SDK1: variants seen among roughly 807,000 people sequenced by gnomAD.
The protein encoded by SDK1 is sidekick cell adhesion molecule 1.
A neutral mutation model predicts 245.5 loss-of-function variants in SDK1; 157 were observed. The observed-to-expected ratio is 0.64, with a 90% CI of 0.56 to 0.73. The LOEUF is 0.73. SDK1 is among the 30% of genes least tolerant of loss of function. SDK1 has a pLI of 0.00. For synonymous variants in SDK1, 1,647 were observed against 1,278.5 expected, an observed-to-expected ratio of 1.29 and a Z score of -6.15; for missense variants, 3,583 against 3,002.3, an observed-to-expected ratio of 1.19 and a Z score of -4.52.
At chr7:4,232,411 C>CT (rs71032930) in intron 40 of SDK1, among the ~76,000 whole-genome samples, 7,508 of 98,720 alleles carry the variant, frequency 0.076, 378 homozygotes, top group East Asian at 0.18. Flanking sequence ...TCTTTTCTTT[C>CT]TTTTTTTTTT....
intron 1 of SDK1, among the ~76,000 whole-genome samples, chr7:3,316,698 A>G (rs1262211807): frequency 6.6e-6 from 1 of 152,076 alleles, no homozygotes; most frequent in Non-Finnish European, 1.5e-5. Context: ...CTGCCATGTC[A>G]TCTCTTGGCC....
rs200788342 is a variant in SDK1 at position 3,813,355 on chromosome 7, G to T, written c.714-8095G>T. On this transcript the variant is annotated intron_variant, in intron 4 of 44. Coordinates refer to ENST00000404826, the MANE Select transcript of SDK1 (RefSeq NM_152744.4). Reference sequence around the variant, plus strand: ...CATTTCCCACCTATGAGTGAGAATAGGCGGTGTTTGGTTTTTTGTTCTTGC... The same window carrying T: ...CATTTCCCACCTATGAGTGAGAATATGCGGTGTTTGGTTTTTTGTTCTTGC... Among the ~76,000 whole-genome samples, 2,658 of 145,972 alleles carry T rather than the reference G, an allele frequency of 0.018. 156 individuals are homozygous for T. The East Asian group carries it at 0.21, about 12-fold the overall frequency.
rs375733486 is a variant in SDK1, at chr7:3,602,213, A to C, written c.299-16867A>C. On this transcript the variant is annotated intron_variant, in intron 1 of 44. Coordinates refer to ENST00000404826, the MANE Select transcript of SDK1 (RefSeq NM_152744.4). ...TACCCAGTAATGGGATGGCTGGGTC[A>C]AATGGTATTTCTAGTTCTAGATCCC... Among the ~76,000 whole-genome samples, 39 of 151,884 alleles carry C rather than the reference A, an allele frequency of 2.6e-4. 1 individual carries two copies. In the East Asian group the frequency reaches 4.7e-3, roughly 18 times the overall value.
intron 42 of SDK1, among the ~76,000 whole-genome samples, chr7:4,238,751 T>C (rs1056608192): frequency 1.3e-4 from 20 of 151,830 alleles, no homozygotes; most frequent in African/African-American, 4.8e-4. Flanking sequence ...TTTCTCCATG[T>C]TGGTCAGGCT....
chr7:3,730,534 C>T lies in SDK1; in HGVS notation c.713+88429C>T, dbSNP rs986824499. The stretch of plus-strand genomic sequence containing the variant: ...ACTCTAGGAAGGGAGAGAGCAAGTA[C>T]GGGTGCCAGCGGGAAGAGCCCAGCA... On this transcript the variant is annotated intron_variant, in intron 4 of 44. Coordinates refer to ENST00000404826, the MANE Select transcript of SDK1 (RefSeq NM_152744.4). Among the ~76,000 whole-genome samples, 11 of 152,142 alleles carry T rather than the reference C, an allele frequency of 7.2e-5. 1 individual carries two copies. Among genetic ancestry groups the T allele is most frequent in the Admixed American group, 4.6e-4 (7 of 15,280 alleles).
chr7:3,703,402 C>G (rs1343316774), intron 4 of SDK1, among the ~76,000 whole-genome samples: 1 of 152,162 alleles, frequency 6.6e-6, no homozygotes, highest in African/African-American at 2.4e-5. Flanking sequence ...ATGTAACATT[C>G]TCAAAATGAG....
intron 1 of SDK1, among the ~76,000 whole-genome samples, chr7:3,495,992 C>T (rs537019660): frequency 4.6e-5 from 7 of 152,086 alleles, no homozygotes; most frequent in African/African-American, 7.2e-5. Flanking sequence ...CTCAGTGGCC[C>T]GTCACTATAA....
At chr7:3,508,694 C>T (rs903047568) in intron 1 of SDK1, among the ~76,000 whole-genome samples, 1 of 152,164 alleles carries the variant, frequency 6.6e-6, no homozygotes, top group Admixed American at 6.5e-5. Context: ...CCTGATTCTT[C>T]AAAGTGTTCT....
chr7:4,078,930 G>A (rs1173002620), intron 21 of SDK1, among the ~76,000 whole-genome samples: 1 of 152,208 alleles, frequency 6.6e-6, no homozygotes, highest in Non-Finnish European at 1.5e-5. Context: ...AGAAGCCTAA[G>A]GCTCAAGACC....
intron 5 of SDK1, among the ~76,000 whole-genome samples, chr7:3,908,109 C>T (rs1414289774): frequency 6.6e-6 from 1 of 152,116 alleles, no homozygotes; most frequent in African/African-American, 2.4e-5. Flanking sequence ...CCGTAATGTG[C>T]TGGCTTCTGT....
In SDK1 at chr7:3,975,368, A is replaced by G. The variant is rs559980533; in HGVS notation, c.1994+823A>G. Among the ~76,000 whole-genome samples the G allele has an allele frequency of 4.3e-4, 65 of 152,336 alleles. 3 individuals are homozygous for G. The South Asian group carries it at 6.6e-3, about 16-fold the overall frequency. The stretch of plus-strand genomic sequence containing the variant: ...ACACCCAGCGCATCCGTCCCTGGTC[A>G]TCGTTTGACATGCTGGGCCTTTCGA... On this transcript the variant is annotated intron_variant, in intron 13 of 44. Coordinates refer to ENST00000404826, the MANE Select transcript of SDK1 (RefSeq NM_152744.4).
At chr7:3,651,668 G>C (rs964103281) in intron 4 of SDK1, among the ~76,000 whole-genome samples, 14 of 152,178 alleles carry the variant, frequency 9.2e-5, no homozygotes, top group African/African-American at 3.4e-4. Flanking sequence ...TCACAGTCCA[G>C]AAGCAGAATG....
At chr7:3,401,077 G>C (rs1485373478) in intron 1 of SDK1, among the ~76,000 whole-genome samples, 1 of 152,162 alleles carries the variant, frequency 6.6e-6, no homozygotes, top group Non-Finnish European at 1.5e-5. Context: ...ATAGCCCTCA[G>C]CTCCGTAATG....
chr7:4,075,779 C>G lies in SDK1; in HGVS notation c.3011-1219C>G, dbSNP rs531854084. Among the ~76,000 whole-genome samples, 3 of 152,002 alleles carry G rather than the reference C, an allele frequency of 2.0e-5. No homozygotes were observed. In the East Asian group the frequency reaches 5.8e-4, roughly 29 times the overall value. The stretch of plus-strand genomic sequence containing the variant: ...GAGTGATTCTCGTGCCTCAGCCTTC[C>G]GAGTAGCTAGGATTACAGGCGCCCA... On this transcript the variant is annotated intron_variant, in intron 20 of 44. Coordinates refer to ENST00000404826, the MANE Select transcript of SDK1 (RefSeq NM_152744.4).
intron 1 of SDK1, among the ~76,000 whole-genome samples, chr7:3,394,126 G>A (rs1781831674): frequency 6.6e-6 from 1 of 151,662 alleles, no homozygotes. Context: ...AGAACTCTCT[G>A]GATTACCAGA....
chr7:3,591,482 G>A (rs1583203575), intron 1 of SDK1, among the ~76,000 whole-genome samples: 1 of 152,234 alleles, frequency 6.6e-6, no homozygotes, highest in Non-Finnish European at 1.5e-5. Context: ...CTTTGGCCAC[G>A]TTGTGAAAGT....
intron 1 of SDK1, among the ~76,000 whole-genome samples, chr7:3,405,814 C>CT (rs534692477): frequency 0.17 from 21,707 of 125,326 alleles, 2,208 homozygotes; most frequent in South Asian, 0.26. Flanking sequence ...TTCTTTCTTT[C>CT]TTTTTTTTTT....
rs114497493 is a variant in SDK1, at chr7:4,066,840, G to A, written c.2912-998G>A. 8.5e-3 allele frequency among the ~76,000 whole-genome samples: 1,289 copies of A among 152,330 alleles called. 16 individuals are homozygous for A. Among genetic ancestry groups the A allele is most frequent in the South Asian group, 0.029 (140 of 4,826 alleles). Reference sequence around the variant, plus strand: ...AGGCAGGTGGTCCATCTGCATGTGGGGCGGAGCTCTGCGCCTGTGGCCGCC... The same window carrying A: ...AGGCAGGTGGTCCATCTGCATGTGGAGCGGAGCTCTGCGCCTGTGGCCGCC... On this transcript the variant is annotated intron_variant, in intron 19 of 44. Transcript: ENST00000404826.
chr7:3,311,305 A>T (rs775566364), intron 1 of SDK1, among the ~76,000 whole-genome samples: 36 of 152,118 alleles, frequency 2.4e-4, no homozygotes, highest in Non-Finnish European at 4.9e-4. Context: ...TTGCTTAGAG[A>T]GGTAAATAGA....
Sources: allele counts gnomAD v4.1 joint callset (sites outside exome capture counted in the v4.1 genomes callset), GRCh38; gene constraint gnomAD v4.1.1; transcripts MANE v1.5; gene names NCBI Gene and HGNC (gene_info 2026-07-23, HGNC 2026-07-21).